The following ANKMY2 variants were observed in gnomAD, a reference collection of about 807,000 sequenced individuals.
ANKMY2 encodes the protein ankyrin repeat and MYND domain-containing protein 2.
ANKMY2 carries 36 observed loss-of-function variants against 50.4 expected under a neutral mutation model. That is an observed-to-expected ratio of 0.71 (90% confidence interval 0.55 to 0.94). ANKMY2 has a LOEUF of 0.94. Ranked by LOEUF, ANKMY2 falls within the 40% of genes least tolerant of loss-of-function variation. ANKMY2 has a pLI of 0.00. For synonymous variants in ANKMY2, 187 were observed against 178.8 expected, an observed-to-expected ratio of 1.05 and a Z score of -0.36; for missense variants, 565 against 524.0, an observed-to-expected ratio of 1.08 and a Z score of -0.76.
intron 7 of ANKMY2, among the ~76,000 whole-genome samples, chr7:16,607,792 T>G (rs1367757705): frequency 6.6e-6 from 1 of 151,774 alleles, no homozygotes; most frequent in Non-Finnish European, 1.5e-5. Context: ...TAACAGGTAC[T>G]GCTAGTTGCT....
Position 16,615,770 on chromosome 7 carries a change from T to G in ANKMY2, c.505A>C (p.Thr169Pro), listed in dbSNP as rs745808090. 6.2e-7 allele frequency: 1 copy of G among 1,614,184 alleles called. No homozygotes were observed. The highest frequency in any genetic ancestry group is 8.5e-7 in the Non-Finnish European group (1 of 1,180,028). Residue 169 changes from threonine (T) to proline (P), a missense_variant, in exon 5 of 10, where the codon ACC becomes CCC. Coordinates refer to ENST00000306999, the MANE Select transcript of ANKMY2 (RefSeq NM_020319.3). ...KLAGPLHKII[T>P]TTNLHPVKIV... Reference sequence around the variant, plus strand: ...TTGACAGGATGAAGATTCGTTGTGGTGATAATTTTGTGCAGCGGGCCTGCC... The same window carrying G: ...TTGACAGGATGAAGATTCGTTGTGGGGATAATTTTGTGCAGCGGGCCTGCC...
intron 4 of ANKMY2, among the ~76,000 whole-genome samples, chr7:16,624,175 T>C (rs1781478855): frequency 6.6e-6 from 1 of 152,224 alleles, no homozygotes; most frequent in Non-Finnish European, 1.5e-5. Flanking sequence ...TGATGCTTGC[T>C]TTATAGGTTG....
At position 16,645,520 on chromosome 7, in the gene ANKMY2, T is replaced by G. The variant is rs1236039585; in HGVS notation, c.54A>C (p.Glu18Asp). The G allele has an allele frequency of 1.2e-6, 2 of 1,611,332 alleles. No individual in the cohort carries two copies. The highest frequency in any genetic ancestry group is 1.7e-6 in the Non-Finnish European group (2 of 1,178,838). The change falls in exon 1 of 10, where the codon GAA becomes GAC. Residue 18 changes from glutamate to aspartate, a missense_variant. Transcript: ENST00000306999. Reference sequence around the variant, plus strand: ...CAGCACCCGTACCTTTCCCGATGACTTCCAGTAGCTCCTTCTCCTCCTGGG... The same window carrying G: ...CAGCACCCGTACCTTTCCCGATGACGTCCAGTAGCTCCTTCTCCTCCTGGG... ...ELTQEEKELLEVIGKGTVQEA... is the reference protein window; with the variant it reads ...ELTQEEKELLDVIGKGTVQEA...
intron 9 of ANKMY2, among the ~76,000 whole-genome samples, chr7:16,601,533 G>A (rs1225377062): frequency 6.6e-6 from 1 of 152,192 alleles, no homozygotes; most frequent in Non-Finnish European, 1.5e-5. Flanking sequence ...ACAAGAGAAG[G>A]CATGGCAGTC....
At position 16,645,519 on chromosome 7, in the gene ANKMY2, C is replaced by G. The variant is rs754268083; in HGVS notation, c.55G>C (p.Val19Leu). ...CCAGCACCCGTACCTTTCCCGATGA[C>G]TTCCAGTAGCTCCTTCTCCTCCTGG... ...LTQEEKELLE[V>L]IGKGTVQEAG... The change falls in exon 1 of 10, where the codon GTC becomes CTC. Residue 19 changes from valine (V) to leucine (L), a missense_variant. Val to Leu is a conservative substitution (Grantham distance 32). Transcript: ENST00000306999. The G allele has an allele frequency of 1.9e-5, 31 of 1,611,526 alleles. 1 individual carries two copies. The South Asian group carries it at 3.2e-4, about 17-fold the overall frequency.
At position 16,600,951 on chromosome 7, in the gene ANKMY2, TAAA is replaced by T. The variant is rs775883371; in HGVS notation, c.1142-9_1142-7del. On this transcript the variant is annotated splice_region_variant and splice_polypyrimidine_tract_variant and intron_variant, in intron 9 of 9. Transcript: ENST00000306999. The stretch of plus-strand genomic sequence containing the variant: ...ATTGACATCAAGTTTGCCGTCTGAT[TAAA>T]AAAAGAAGAAGTTATTTTGTTCCTA... The T allele has an allele frequency of 6.4e-7, 1 of 1,572,864 alleles. No individual in the cohort carries two copies. Among genetic ancestry groups the T allele is most frequent in the Non-Finnish European group, 8.6e-7 (1 of 1,159,332 alleles).
chr7:16,602,506 T>C lies in ANKMY2; in HGVS notation c.1015A>G (p.Ile339Val). The C allele has an allele frequency of 1.2e-6, 2 of 1,610,552 alleles. No homozygotes were observed. Among genetic ancestry groups the C allele is most frequent in the Non-Finnish European group, 1.7e-6 (2 of 1,179,232 alleles). ...SKRCSVCKMV[I>V]YCDQTCQKTH... is the part of the protein sequence containing the mutation. ...TTCTGGCAGGTTTGATCACAATATA[T>C]TACCTGAAAGCAATTGTTGGTTTAT... is the stretch of plus-strand genomic sequence containing the variant. Residue 339 changes from isoleucine (I) to valine (V), a missense_variant, in exon 9 of 10, where the codon ATA (isoleucine) becomes GTA (valine). Transcript: ENST00000306999.
At position 16,645,659 on chromosome 7, in the gene ANKMY2, A is replaced by G. The variant is rs1583691006; in HGVS notation, c.-86T>C. 14 of 1,443,678 alleles carry G rather than the reference A, an allele frequency of 9.7e-6. No homozygotes were observed. The highest frequency in any genetic ancestry group is 2.0e-4 in the Middle Eastern group (1 of 5,126). 89.4% of individuals were successfully genotyped at this position (1,443,678 alleles called of 1,614,324 possible). A position where few individuals can be genotyped will look rare whatever the true frequency, so the allele number is the denominator to read the frequency against. On this transcript the variant is annotated 5_prime_UTR_variant, in exon 1 of 10. Transcript: ENST00000306999. ...GTCTGTATTGGGAACGCCAGCCGCAATGAGGCAACTTGAGACCAAGACACT... is the reference window on the plus strand; with the variant it reads ...GTCTGTATTGGGAACGCCAGCCGCAGTGAGGCAACTTGAGACCAAGACACT...
At position 16,623,257 on chromosome 7, in the gene ANKMY2, AGGGT is replaced by A. The variant is rs548646259; in HGVS notation, c.370+1722_370+1725del. ...TTTGGAAAATACAGTAACAACTGGA[AGGGT>A]GCAATGTAATTTTCTGTCTGTGAAA... On this transcript the variant is annotated intron_variant, in intron 4 of 9. Coordinates refer to ENST00000306999, the MANE Select transcript of ANKMY2 (RefSeq NM_020319.3). 1.6e-4 allele frequency among the ~76,000 whole-genome samples: 25 copies of A among 152,356 alleles called. 1 individual carries two copies. The East Asian group carries it at 4.8e-3, about 29-fold the overall frequency.
In ANKMY2 at chr7:16,600,778, G is replaced by A; in HGVS notation, c.1309C>T (p.Gln437Ter). Residue 437 changes from glutamine (Q) to a stop codon, truncating the protein, a stop_gained, in exon 10 of 10, where the codon CAG (glutamine) becomes TAG (stop). Transcript: ENST00000306999. LOFTEE classifies it high-confidence loss of function. ...TCTGGCTTTTACTCCTCAGACACCT[G>A]TGGCCCTGCAGGAGCATCCTGTAAG... ...EGLQDAPAGP[Q>*]VSEE The A allele has an allele frequency of 6.2e-7, 1 of 1,611,098 alleles. No individual in the cohort carries two copies. Among genetic ancestry groups the A allele is most frequent in the Non-Finnish European group, 8.5e-7 (1 of 1,178,640 alleles).
intron 8 of ANKMY2, among the ~76,000 whole-genome samples, chr7:16,604,397 T>G (rs1196761630): frequency 1.3e-5 from 2 of 152,224 alleles, no homozygotes; most frequent in South Asian, 4.1e-4. Flanking sequence ...GTTTCACATC[T>G]GCACCAGCCT....
chr7:16,609,813 T>G (rs1304039677), intron 6 of ANKMY2, 48 bp from the exon 7 acceptor site: 1 of 1,594,338 alleles, frequency 6.3e-7, no homozygotes, highest in East Asian at 2.3e-5. Context: ...CACTAAGCAT[T>G]CTCTCCTAGT....
At chr7:16,615,696 C>G in intron 5 of ANKMY2, 48 bp downstream of exon 5, 3 of 1,611,484 alleles carry the variant, frequency 1.9e-6, no homozygotes, top group Non-Finnish European at 2.5e-6. Context: ...AGTTTAAACT[C>G]TGAAGCAATA....
At chr7:16,619,755 T>G (rs1230090254) in intron 4 of ANKMY2, among the ~76,000 whole-genome samples, 1 of 152,162 alleles carries the variant, frequency 6.6e-6, no homozygotes, top group Non-Finnish European at 1.5e-5. Context: ...CAGTACATCA[T>G]TTTGCTCCCA....
Position 16,622,051 on chromosome 7 carries a change from GGAA to G in ANKMY2, c.370+2929_370+2931del, listed in dbSNP as rs945981809. On this transcript the variant is annotated intron_variant, in intron 4 of 9. Coordinates refer to ENST00000306999, the MANE Select transcript of ANKMY2 (RefSeq NM_020319.3). ...GTTAAAAAAGAAGAAGAAGAAAGAA[GGAA>G]GAAGAAGAAGAGGAAGAGGAGGAGG... 5.3e-5 allele frequency among the ~76,000 whole-genome samples: 8 copies of G among 150,926 alleles called. No homozygotes were observed. In the South Asian group the frequency reaches 8.4e-4, roughly 16 times the overall value.
At chr7:16,624,860 G>A in intron 4 of ANKMY2, 123 bp downstream of exon 4, 1 of 757,232 alleles carries the variant, frequency 1.3e-6, no homozygotes, top group Non-Finnish European at 2.2e-6. Flanking sequence ...ACAGTGGACT[G>A]TAAATACTTA....
At chr7:16,644,711 A>T (rs1781800067) in intron 1 of ANKMY2, 3 of 471,144 alleles carry the variant, frequency 6.4e-6, no homozygotes, top group Non-Finnish European at 8.8e-6. Context: ...CTCGGCAGGG[A>T]ACTCCTCTGG....
At chr7:16,633,929 A>G (rs1781621637) in intron 2 of ANKMY2, among the ~76,000 whole-genome samples, 1 of 152,148 alleles carries the variant, frequency 6.6e-6, no homozygotes, top group African/African-American at 2.4e-5. Flanking sequence ...AAAAGGCTTA[A>G]GGCTATTATG....
chr7:16,614,975 A>G (rs773249746), intron 5 of ANKMY2, among the ~76,000 whole-genome samples: 2 of 152,224 alleles, frequency 1.3e-5, no homozygotes, highest in Non-Finnish European at 2.9e-5. Flanking sequence ...TGAAAAAATT[A>G]TGTGTAAACA....
Sources: allele counts gnomAD v4.1 joint callset (sites outside exome capture counted in the v4.1 genomes callset), GRCh38; gene constraint gnomAD v4.1.1; transcripts MANE v1.5; gene names NCBI Gene and HGNC (gene_info 2026-07-23, HGNC 2026-07-21).